SPSB4: variants seen among roughly 807,000 people sequenced by gnomAD.
SPSB4 encodes splA/ryanodine receptor domain and SOCS box containing 4.
A neutral mutation model predicts 20.9 loss-of-function variants in SPSB4; 21 were observed. The ratio of observed to expected loss-of-function variants is 1.01; its 90% CI spans 0.71 to 1.45. The LOEUF is 1.45. Among genes scored for constraint, SPSB4 ranks in the 40% most tolerant of loss-of-function variants. The probability of loss-of-function intolerance (pLI) is 0.00; values close to 1 mark genes in which losing one functional copy is unlikely to be tolerated. For missense variants in SPSB4, 399 were observed against 399.2 expected (o/e 1.00, Z 0.00); for synonymous variants, 207 against 183.8 (o/e 1.13, Z -1.02).
chr3:141,063,064 G>T (rs1351487903), intron 1 of SPSB4, among the ~76,000 whole-genome samples: 1 of 152,196 alleles, frequency 6.6e-6, no homozygotes, highest in Admixed American at 6.5e-5. Context: ...GCTATTTGGT[G>T]AGTTCGGTCT....
At chr3:141,123,760 A>G (rs146813886) in intron 2 of SPSB4, among the ~76,000 whole-genome samples, 1 of 152,328 alleles carries the variant, frequency 6.6e-6, no homozygotes, top group East Asian at 1.9e-4. Context: ...GTGACAGGGA[A>G]CACTGCAGAG....
chr3:141,126,460 C>T (rs188227755), intron 2 of SPSB4, among the ~76,000 whole-genome samples: 3 of 152,192 alleles, frequency 2.0e-5, no homozygotes, highest in East Asian at 3.9e-4. Flanking sequence ...CTCCTGGATC[C>T]GAGTCCAGTC....
At position 141,066,496 on chromosome 3, in the gene SPSB4, C is replaced by T. The variant is rs763040261; in HGVS notation, c.392C>T (p.Ala131Val). Residue 131 changes from alanine to valine, a missense_variant, in exon 2 of 3, where the codon GCG becomes GTG. Transcript: ENST00000310546. ...CCCCTGCACTCCGTGGGCTACACGG[C>T]GCTGGTAGGCAGTGACGCCGAGTCG... Reference protein sequence around the residue: ...RAPLHSVGYTALVGSDAESWG... With the variant: ...RAPLHSVGYTVLVGSDAESWG... 7.3e-6 allele frequency: 11 copies of T among 1,500,892 alleles called. No individual in the cohort carries two copies. The highest frequency in any genetic ancestry group is 2.6e-5 in the South Asian group (2 of 75,782). 93.0% of individuals were successfully genotyped at this position (1,500,892 alleles called of 1,614,324 possible).
intron 1 of SPSB4, among the ~76,000 whole-genome samples, chr3:141,052,193 G>A (rs1320451094): frequency 6.6e-6 from 1 of 152,166 alleles, no homozygotes; most frequent in Non-Finnish European, 1.5e-5. Flanking sequence ...CCGGCCTTTG[G>A]TATCATGGGT....
chr3:141,142,803 C>CTTTTTTTTTT lies in SPSB4; in HGVS notation c.695-4317_695-4308dup, dbSNP rs57674247. Reference sequence around the variant, plus strand: ...ATTATGATATAATGTCCCTCTTTGTCTTTTTTTTTTTTTTTTTTTTTTTTT... The same window carrying CTTTTTTTTTT: ...ATTATGATATAATGTCCCTCTTTGTCTTTTTTTTTTTTTTTTTTTTTTTTTTTTTTTTTTT... On this transcript the variant is annotated intron_variant, in intron 2 of 2. Transcript: ENST00000310546. Among the ~76,000 whole-genome samples the CTTTTTTTTTT allele has an allele frequency of 1.9e-3, 120 of 62,038 alleles. 14 individuals are homozygous for CTTTTTTTTTT. The highest frequency in any genetic ancestry group is 2.5e-3 in the Non-Finnish European group (75 of 30,582). The allele number at this position is 62,038 out of a possible 152,430, so 40.7% of individuals were successfully genotyped here. A position where few individuals can be genotyped will look rare whatever the true frequency, so the allele number is the denominator to read the frequency against.
chr3:141,064,715 A>C lies in SPSB4; in HGVS notation c.-153-1237A>C, dbSNP rs113208479. 6.4e-4 allele frequency among the ~76,000 whole-genome samples: 98 copies of C among 152,184 alleles called. 1 individual carries two copies. The highest frequency in any genetic ancestry group is 4.4e-4 in the Non-Finnish European group (30 of 68,022). ...GCTCAGGAGAAGTTGTTCTAGGCCCAGCAGCTCTCAGGCCAGGGAGGGGAG... is the reference window on the plus strand; with the variant it reads ...GCTCAGGAGAAGTTGTTCTAGGCCCCGCAGCTCTCAGGCCAGGGAGGGGAG... On this transcript the variant is annotated intron_variant, in intron 1 of 2. Coordinates refer to ENST00000310546, the MANE Select transcript of SPSB4 (RefSeq NM_080862.3).
chr3:141,082,376 TC>T (rs960678619), intron 2 of SPSB4, among the ~76,000 whole-genome samples: 58 of 152,268 alleles, frequency 3.8e-4, no homozygotes, highest in African/African-American at 1.4e-3. Context: ...AGGTGGCATT[TC>T]TGGCTGACTT....
At chr3:141,132,943 C>T (rs1939161047) in intron 2 of SPSB4, among the ~76,000 whole-genome samples, 1 of 150,638 alleles carries the variant, frequency 6.6e-6, no homozygotes, top group South Asian at 2.1e-4. Context: ...CCATTTTCAC[C>T]ACATCTACAC....
At chr3:141,069,836 C>G (rs146942059) in intron 2 of SPSB4, among the ~76,000 whole-genome samples, 2 of 152,200 alleles carry the variant, frequency 1.3e-5, no homozygotes, top group East Asian at 3.9e-4. Context: ...AGCAAAATGG[C>G]CTTAATAGAG....
chr3:141,067,634 A>G (rs891097944), intron 2 of SPSB4, among the ~76,000 whole-genome samples: 9 of 152,218 alleles, frequency 5.9e-5, no homozygotes, highest in African/African-American at 1.7e-4. Context: ...AAAGTGTAGG[A>G]ACAAAGACGG....
intron 2 of SPSB4, chr3:141,077,209 T>C (rs1938131933): frequency 6.6e-6 from 1 of 152,224 alleles, no homozygotes; most frequent in Non-Finnish European, 1.5e-5. Flanking sequence ...CTTAATGAGT[T>C]ATTTGCTTGG....
rs1444193645 is a variant in SPSB4, at chr3:141,066,369, G to C, written c.265G>C (p.Gly89Arg). 5 of 1,553,370 alleles carry C rather than the reference G, an allele frequency of 3.2e-6. No individual in the cohort carries two copies. Among genetic ancestry groups the C allele is most frequent in the Non-Finnish European group, 4.3e-6 (5 of 1,150,816 alleles). ...GGCCCAGAGCACCGACGGCATCCGCGGCAAGGTGGGCCACGCCCGCGGCCT... is the reference window on the plus strand; with the variant it reads ...GGCCCAGAGCACCGACGGCATCCGCCGCAAGGTGGGCCACGCCCGCGGCCT... ...PVAQSTDGIRGKVGHARGLHA... is the reference protein window; with the variant it reads ...PVAQSTDGIRRKVGHARGLHA... The change falls in exon 2 of 3, where the codon GGC becomes CGC. Residue 89 changes from glycine (G) to arginine (R), a missense_variant. By Grantham distance (125) the Gly-to-Arg change is moderately radical. Transcript: ENST00000310546.
chr3:141,077,631 T>C (rs1938142725), intron 2 of SPSB4: 1 of 152,330 alleles, frequency 6.6e-6, no homozygotes, highest in Non-Finnish European at 1.5e-5. Context: ...AGGACAGCTC[T>C]CTGCCTGATG....
At chr3:141,139,544 C>A (rs939184578) in intron 2 of SPSB4, among the ~76,000 whole-genome samples, 2 of 152,198 alleles carry the variant, frequency 1.3e-5, no homozygotes, top group Admixed American at 1.3e-4. Flanking sequence ...GTAACAAAAT[C>A]TCTCAGCATT....
rs895952864 is a variant in SPSB4, at chr3:141,093,329, T to C, written c.694+26531T>C. Reference sequence around the variant, plus strand: ...CATACATTGCAGTAAGCACTTTTCATATTGTCAATCTTCCCAGGAAATCTG... The same window carrying C: ...CATACATTGCAGTAAGCACTTTTCACATTGTCAATCTTCCCAGGAAATCTG... On this transcript the variant is annotated intron_variant, in intron 2 of 2. Coordinates refer to ENST00000310546, the MANE Select transcript of SPSB4 (RefSeq NM_080862.3). Among the ~76,000 whole-genome samples, 5 of 151,910 alleles carry C rather than the reference T, an allele frequency of 3.3e-5. No homozygotes were observed. The South Asian group carries it at 8.3e-4, about 25-fold the overall frequency.
intron 2 of SPSB4, among the ~76,000 whole-genome samples, chr3:141,088,173 C>T (rs1186267781): frequency 6.6e-6 from 1 of 152,148 alleles, no homozygotes; most frequent in African/African-American, 2.4e-5. Context: ...CCCACACCTT[C>T]CCCTGGACTG....
chr3:141,096,032 C>G (rs958119913), intron 2 of SPSB4, among the ~76,000 whole-genome samples: 5 of 152,102 alleles, frequency 3.3e-5, no homozygotes, highest in Admixed American at 6.5e-5. Context: ...TTTGACAACA[C>G]CAAGTCCCAG....
intron 2 of SPSB4, among the ~76,000 whole-genome samples, chr3:141,069,163 T>C (rs1019961249): frequency 6.6e-6 from 1 of 152,184 alleles, no homozygotes; most frequent in Non-Finnish European, 1.5e-5. Context: ...GTAGGGGTAA[T>C]GTTCTGTATC....
At chr3:141,105,983 G>T (rs956318721) in intron 2 of SPSB4, among the ~76,000 whole-genome samples, 2 of 152,200 alleles carry the variant, frequency 1.3e-5, no homozygotes, top group African/African-American at 2.4e-5. Context: ...TACAGATTTT[G>T]CATAACGGGA....
Sources: allele counts gnomAD v4.1 joint callset (sites outside exome capture counted in the v4.1 genomes callset), GRCh38; gene constraint gnomAD v4.1.1; transcripts MANE v1.5; gene names NCBI Gene and HGNC (gene_info 2026-07-23, HGNC 2026-07-21).